Variants in ZNF81 observed in about 807,000 individuals in gnomAD.
ZNF81 encodes the protein zinc finger protein 81.
A neutral mutation model predicts 32.3 loss-of-function variants in ZNF81; 5 were observed. The observed-to-expected ratio is 0.15, with a 90% CI of 0.08 to 0.33. ZNF81 has a LOEUF of 0.33. Among genes scored for constraint, ZNF81 ranks in the 10% least tolerant of loss-of-function variants. The probability of loss-of-function intolerance (pLI) is 1.00; values close to 1 mark genes in which losing one functional copy is unlikely to be tolerated. For missense variants in ZNF81, 379 were observed against 479.8 expected (o/e 0.79, Z 1.96); for synonymous variants, 163 against 166.8 (o/e 0.98, Z 0.17).
chrX:47,895,886 C>A lies in ZNF81; in HGVS notation c.223C>A (p.Gln75Lys). ...PKPEVIFKLE[Q>K]GEGPWTLEGE... is the part of the protein sequence containing the mutation. ...ACCAGAGGTCATCTTCAAGTTGGAGCAAGGAGAGGGGCCATGGACATTGGA... is the reference window on the plus strand; with the variant it reads ...ACCAGAGGTCATCTTCAAGTTGGAGAAAGGAGAGGGGCCATGGACATTGGA... The change falls in exon 4 of 5, where the codon CAA (glutamine) becomes AAA (lysine). Residue 75 changes from glutamine to lysine, a missense_variant. Physicochemically the swap from Gln to Lys is moderately conservative, Grantham distance 53 (BLOSUM62 1). Coordinates refer to ENST00000338637, the MANE Select transcript of ZNF81 (RefSeq NM_007137.5). 1 of 1,210,614 alleles carries A rather than the reference C, an allele frequency of 8.3e-7. No individual in the cohort carries two copies. The highest frequency in any genetic ancestry group is 1.1e-6 in the Non-Finnish European group (1 of 894,627).
intron 2 of ZNF81, among the ~76,000 whole-genome samples, chrX:47,862,603 A>T (rs1288360775): frequency 8.1e-5 from 9 of 111,612 alleles, no homozygotes; most frequent in African/African-American, 2.9e-4. Context: ...TTTAAAACTG[A>T]GGGGGCTCCC....
chrX:47,844,522 T>TA (rs1399805354), intron 1 of ZNF81, among the ~76,000 whole-genome samples: 1 of 112,660 alleles, frequency 8.9e-6, no homozygotes, highest in Non-Finnish European at 1.9e-5. Context: ...TACCAAATGT[T>TA]ATAATATTCC....
At chrX:47,863,153 C>G (rs1302544874) in intron 2 of ZNF81, among the ~76,000 whole-genome samples, 1 of 111,136 alleles carries the variant, frequency 9.0e-6, no homozygotes, top group African/African-American at 3.3e-5. Context: ...AAACATGAAA[C>G]GGGGAGGGTG....
intron 4 of ZNF81, among the ~76,000 whole-genome samples, chrX:47,900,766 G>A (rs2058695619): frequency 9.0e-6 from 1 of 111,698 alleles, no homozygotes; most frequent in African/African-American, 3.3e-5. Context: ...CAACTCAGGT[G>A]CACTTCAGCC....
chrX:47,890,336 T>G (rs1394401410), intron 3 of ZNF81, among the ~76,000 whole-genome samples: 1 of 112,069 alleles, frequency 8.9e-6, no homozygotes, highest in African/African-American at 3.3e-5. Context: ...CCATGTTCAC[T>G]TGCTGTTACT....
intron 2 of ZNF81, among the ~76,000 whole-genome samples, chrX:47,887,259 C>T (rs782525706): frequency 8.1e-5 from 9 of 111,697 alleles, no homozygotes; most frequent in Non-Finnish European, 1.5e-4. Flanking sequence ...GGGTATAAAT[C>T]CTTCATACTT....
At position 47,841,759 on chromosome X, in the gene ZNF81, A is replaced by G. The variant is rs2058450477; in HGVS notation, c.-163-4346A>G. ...ATCTTGCTGGAGGATTACAAGTTTT[A>G]TTGTTCTTTTCAAAAGACCAGCTAT... is the stretch of plus-strand genomic sequence containing the variant. On this transcript the variant is annotated intron_variant, in intron 1 of 4. Transcript: ENST00000338637. 1.4e-5 allele frequency: 6 copies of G among 424,487 alleles called. No individual in the cohort carries two copies. In the South Asian group the frequency reaches 2.3e-4, roughly 16 times the overall value. The allele number at this position is 424,487 out of a possible 1,213,427, so 35.0% of individuals were successfully genotyped here.
chrX:47,915,702 T>A lies in ZNF81; in HGVS notation c.1056T>A (p.His352Gln), dbSNP rs782796617. 3 of 1,208,904 alleles carry A rather than the reference T, an allele frequency of 2.5e-6. No individual in the cohort carries two copies. The highest frequency in any genetic ancestry group is 3.4e-6 in the Non-Finnish European group (3 of 894,838). ...AATTAATTATGCATGAGAAAACTCA[T>A]ACTAGAGAGAAACCCTATAAATGCA... is the stretch of plus-strand genomic sequence containing the variant. ...NSELIMHEKT[H>Q]TREKPYKCNE... Residue 352 changes from histidine to glutamine, a missense_variant, in exon 5 of 5, where the codon CAT (histidine) becomes CAA (glutamine). Transcript: ENST00000338637.
At chrX:47,850,479 G>T (rs1202446973) in intron 2 of ZNF81, among the ~76,000 whole-genome samples, 1 of 109,395 alleles carries the variant, frequency 9.1e-6, no homozygotes, top group African/African-American at 3.3e-5. Flanking sequence ...GAAGTTTTAA[G>T]ACAGGAAAAG....
chrX:47,914,388 T>C (rs782455858), intron 4 of ZNF81, among the ~76,000 whole-genome samples: 8 of 112,348 alleles, frequency 7.1e-5, no homozygotes, highest in African/African-American at 2.3e-4. Context: ...CAGATTGTAA[T>C]GAAATTGAAA....
chrX:47,874,343 C>A (rs984622472), intron 2 of ZNF81, among the ~76,000 whole-genome samples: 1 of 112,120 alleles, frequency 8.9e-6, no homozygotes, highest in Admixed American at 9.4e-5. Context: ...ACTATTCCTC[C>A]TATTGTGACA....
At chrX:47,877,414 G>A (rs369639422) in intron 2 of ZNF81, among the ~76,000 whole-genome samples, 44 of 111,961 alleles carry the variant, frequency 3.9e-4, no homozygotes, top group African/African-American at 1.4e-3. Context: ...GGGGACAGAG[G>A]GACCAAGCAT....
chrX:47,898,007 T>C (rs1210984602), intron 4 of ZNF81, among the ~76,000 whole-genome samples: 1 of 111,873 alleles, frequency 8.9e-6, no homozygotes, highest in African/African-American at 3.2e-5. Context: ...ATACCACACA[T>C]GTGGAAGCAC....
chrX:47,860,101 C>G (rs1395927714), intron 2 of ZNF81, among the ~76,000 whole-genome samples: 1 of 110,170 alleles, frequency 9.1e-6, no homozygotes, highest in Non-Finnish European at 1.9e-5. Context: ...GTCTTTGACC[C>G]TAGTTCTTGA....
intron 1 of ZNF81, among the ~76,000 whole-genome samples, chrX:47,842,092 T>C (rs1556879851): frequency 8.9e-6 from 1 of 112,111 alleles, no homozygotes; most frequent in East Asian, 2.8e-4. Flanking sequence ...AGAAATATAT[T>C]ATTTAAAGTA....
chrX:47,839,415 T>C lies in ZNF81; in HGVS notation c.-164+2428T>C, dbSNP rs1312252097. ...ATCCAAAACTTTCTGAGTGCCAACA[T>C]AATGCCACAAGCAAAATTTCACACC... On this transcript the variant is annotated intron_variant, in intron 1 of 4. Coordinates refer to ENST00000338637, the MANE Select transcript of ZNF81 (RefSeq NM_007137.5). Among the ~76,000 whole-genome samples, 5 of 111,826 alleles carry C rather than the reference T, an allele frequency of 4.5e-5. No homozygotes were observed. The East Asian group carries it at 1.4e-3, about 31-fold the overall frequency.
chrX:47,853,602 G>A lies in ZNF81; in HGVS notation c.54+7281G>A, dbSNP rs782574946. 2.0e-3 allele frequency among the ~76,000 whole-genome samples: 224 copies of A among 111,922 alleles called. 2 individuals are homozygous for A. The highest frequency in any genetic ancestry group is 7.0e-3 in the African/African-American group (217 of 30,802). On this transcript the variant is annotated intron_variant, in intron 2 of 4. Transcript: ENST00000338637. The stretch of plus-strand genomic sequence containing the variant: ...CTCATTGTGTCAGTCAAGCTGGAGT[G>A]CAGTGACGTTATCATAGCTCACTGT...
chrX:47,861,206 C>A lies in ZNF81; in HGVS notation c.54+14885C>A, dbSNP rs150362422. On this transcript the variant is annotated intron_variant, in intron 2 of 4. Coordinates refer to ENST00000338637, the MANE Select transcript of ZNF81 (RefSeq NM_007137.5). The stretch of plus-strand genomic sequence containing the variant: ...ACAGTCTTGTGTGGCTGGGCCTTAA[C>A]CTGTTAGTGTCTGTTCCAACACTGG... Among the ~76,000 whole-genome samples, 931 of 111,268 alleles carry A rather than the reference C, an allele frequency of 8.4e-3. 4 individuals carry two copies. Among genetic ancestry groups the A allele is most frequent in the Middle Eastern group, 0.037 (8 of 216 alleles).
intron 2 of ZNF81, among the ~76,000 whole-genome samples, chrX:47,870,006 T>G (rs1460174799): frequency 8.9e-6 from 1 of 111,776 alleles, no homozygotes; most frequent in East Asian, 2.8e-4. Flanking sequence ...AACTGCATTT[T>G]TCTTTTACTT....
Sources: allele counts gnomAD v4.1 joint callset (sites outside exome capture counted in the v4.1 genomes callset), GRCh38; gene constraint gnomAD v4.1.1; transcripts MANE v1.5; gene names NCBI Gene and HGNC (gene_info 2026-07-23, HGNC 2026-07-21).